Variants in FHDC1 observed in about 807,000 individuals in gnomAD.
FHDC1 encodes FH2 domain containing 1.
A neutral mutation model predicts 52.6 loss-of-function variants in FHDC1; 25 were observed. The ratio of observed to expected loss-of-function variants is 0.48; its 90% CI spans 0.35 to 0.66. FHDC1 has a LOEUF of 0.66. Among genes scored for constraint, FHDC1 ranks in the 30% least tolerant of loss-of-function variants. The probability of loss-of-function intolerance (pLI) is 0.01; values close to 1 mark genes in which losing one functional copy is unlikely to be tolerated. For missense variants in FHDC1, 1,459 were observed against 1,452.8 expected (o/e 1.00, Z -0.07); for synonymous variants, 616 against 581.5 (o/e 1.06, Z -0.85).
At chr4:152,933,834 C>T (rs753142887), upstream of FHDC1, among the ~76,000 whole-genome samples, 1 of 150,962 alleles carries the variant, frequency 6.6e-6, no homozygotes, top group African/African-American at 2.4e-5. Flanking sequence ...GGGAGATAAA[C>T]GTAGGATGCT....
intron 6 of FHDC1, among the ~76,000 whole-genome samples, 194 bp from the exon 7 acceptor site, chr4:152,962,620 A>G (rs1316391180): frequency 6.6e-6 from 1 of 152,254 alleles, no homozygotes; most frequent in African/African-American, 2.4e-5. Flanking sequence ...AAACACTATG[A>G]CACGGATTGC....
At chr4:152,924,672 G>A in the FHDC1 span, among the ~76,000 whole-genome samples, 1 of 152,160 alleles carries the variant, frequency 6.6e-6, no homozygotes. Flanking sequence ...ATGGAATACT[G>A]TGCAGCCATA....
rs568498816 is a variant in FHDC1, at chr4:152,976,574, C to T, written c.3283C>T (p.Pro1095Ser). 1 of 1,612,626 alleles carries T rather than the reference C, an allele frequency of 6.2e-7. No homozygotes were observed. The highest frequency in any genetic ancestry group is 1.3e-5 in the African/African-American group (1 of 75,032). ...GAGGCGAGCCAGCAGTGCCCGGGCC[C>T]CCAAGAAGCGCCCAGAGTCTGCGGA... ...TLRRASSARAPKKRPESAEGP... is the reference protein window; with the variant it reads ...TLRRASSARASKKRPESAEGP... The change falls in exon 12 of 12, where the codon CCC becomes TCC. Residue 1095 changes from proline to serine, a missense_variant. Around this residue, in one of 3 missense-constraint regions of FHDC1, gnomAD observed 939 missense variants for 854.5 expected, o/e 1.10. Transcript: ENST00000511601.
Position 152,960,600 on chromosome 4 carries a change from G to T in FHDC1, c.699G>T (p.Ser233=). ...KKLKAFSGDV[S]KLSLADSFLY... ...TAAAAGCGTTTAGTGGCGACGTGTCGAAGCTGTCTCTGGCAGATTCCTTTC... is the reference window on the plus strand; with the variant it reads ...TAAAAGCGTTTAGTGGCGACGTGTCTAAGCTGTCTCTGGCAGATTCCTTTC... The change falls in exon 5 of 12, where the codon TCG becomes TCT. Residue 233 remains serine (S), a synonymous_variant. Transcript: ENST00000511601. 6.2e-7 allele frequency: 1 copy of T among 1,614,116 alleles called. No individual in the cohort carries two copies. The highest frequency in any genetic ancestry group is 8.5e-7 in the Non-Finnish European group (1 of 1,180,010).
chr4:152,948,319 T>C (rs1326100863), intron 2 of FHDC1, among the ~76,000 whole-genome samples: 1 of 152,338 alleles, frequency 6.6e-6, no homozygotes, highest in East Asian at 1.9e-4. Context: ...GACATTATGC[T>C]AAATAAGCCA....
the FHDC1 span, among the ~76,000 whole-genome samples, chr4:152,914,971 A>C: frequency 4.0e-4 from 61 of 152,186 alleles, no homozygotes; most frequent in Non-Finnish European, 7.8e-4. Flanking sequence ...GCCTTCCTGA[A>C]AAGTTTTTAA....
chr4:152,938,544 T>G (rs944567932), intron 1 of FHDC1, among the ~76,000 whole-genome samples: 6 of 152,098 alleles, frequency 3.9e-5, no homozygotes, highest in African/African-American at 1.4e-4. Context: ...AATTCCATAG[T>G]TTAGAATTGT....
At chr4:152,957,165 G>A (rs1740113635) in intron 4 of FHDC1, among the ~76,000 whole-genome samples, 1 of 152,200 alleles carries the variant, frequency 6.6e-6, no homozygotes, top group East Asian at 1.9e-4. Flanking sequence ...AAATTCGTAA[G>A]TGGACACATT....
At chr4:152,924,157 A>C in the FHDC1 span, among the ~76,000 whole-genome samples, 1 of 152,156 alleles carries the variant, frequency 6.6e-6, no homozygotes, top group Non-Finnish European at 1.5e-5. Context: ...AAACAAATTT[A>C]CAAGAAAAAA....
chr4:152,920,571 G>A, the FHDC1 span, among the ~76,000 whole-genome samples: 1 of 152,116 alleles, frequency 6.6e-6, no homozygotes, highest in Non-Finnish European at 1.5e-5. Context: ...TAGGTTGGAA[G>A]GAAGCATTTC....
the FHDC1 span, among the ~76,000 whole-genome samples, chr4:152,915,673 C>A: frequency 6.6e-6 from 1 of 151,974 alleles, no homozygotes; most frequent in Non-Finnish European, 1.5e-5. Context: ...GAAAGAATGG[C>A]AGAATTAGAG....
chr4:152,955,476 T>C (rs1740054286), intron 4 of FHDC1, among the ~76,000 whole-genome samples: 1 of 152,226 alleles, frequency 6.6e-6, no homozygotes, highest in Non-Finnish European at 1.5e-5. Flanking sequence ...TTTTTTACTT[T>C]ATAAGTAAAA....
intron 9 of FHDC1, among the ~76,000 whole-genome samples, chr4:152,966,122 A>G (rs1740449129): frequency 6.6e-6 from 1 of 152,248 alleles, no homozygotes; most frequent in South Asian, 2.1e-4. Flanking sequence ...TACTGTAATT[A>G]GTATAAAAAT....
rs561578259 is a variant in FHDC1 at position 152,960,754 on chromosome 4, C to T, written c.760C>T (p.Arg254Trp). The change falls in exon 6 of 12, where the codon CGG (arginine) becomes TGG (tryptophan). Residue 254 changes from arginine (R) to tryptophan (W), a missense_variant. By Grantham distance (101) the Arg-to-Trp change is moderately radical (BLOSUM62 -3). Coordinates refer to ENST00000511601, the MANE Select transcript of FHDC1 (RefSeq NM_001371116.1). ...TTTTTTATTTTTCAGCTATTCACTT[C>T]GGATTGAAGCCATGGTGCTAAAGAA... is the stretch of plus-strand genomic sequence containing the variant. ...GLIQVPNYSL[R>W]IEAMVLKKEF... is the part of the protein sequence containing the mutation. The T allele has an allele frequency of 4.8e-5, 77 of 1,613,098 alleles. No homozygotes were observed. Among genetic ancestry groups the T allele is most frequent in the East Asian group, 3.3e-4 (15 of 44,846 alleles).
intron 10 of FHDC1, among the ~76,000 whole-genome samples, chr4:152,969,589 TC>T (rs1421945292): frequency 1.3e-5 from 2 of 152,102 alleles, no homozygotes; most frequent in Admixed American, 6.5e-5. Flanking sequence ...GAAGAACAGC[TC>T]TGACTTAGCC....
At chr4:152,937,824 C>A (rs1739441317) in intron 1 of FHDC1, among the ~76,000 whole-genome samples, 1 of 152,148 alleles carries the variant, frequency 6.6e-6, no homozygotes, top group South Asian at 2.1e-4. Context: ...GTTTGCTGAC[C>A]CCAGCGCGGC....
chr4:152,974,452 C>G (rs529053305), intron 11 of FHDC1, among the ~76,000 whole-genome samples: 28 of 152,194 alleles, frequency 1.8e-4, no homozygotes, highest in African/African-American at 6.7e-4. Context: ...CTGCTCAGAT[C>G]CCTAGTAGCT....
At position 152,943,125 on chromosome 4, in the gene FHDC1, G is replaced by A; in HGVS notation, c.68G>A (p.Gly23Glu). The A allele has an allele frequency of 6.2e-7, 1 of 1,614,054 alleles. No individual in the cohort carries two copies. Among genetic ancestry groups the A allele is most frequent in the East Asian group, 2.2e-5 (1 of 44,880 alleles). Residue 23 changes from glycine (G) to glutamate (E), a missense_variant, in exon 2 of 12, where the codon GGA becomes GAA. Physicochemically the swap from Gly to Glu is moderately conservative, Grantham distance 98. This residue lies in a region of FHDC1 where 513 missense variants were observed against 581.5 expected (regional missense o/e 0.88). Transcript: ENST00000511601. ...KENGNIATAP[G>E]FMIGQTPPPA... ...AATGGGAATATTGCCACAGCACCTG[G>A]ATTCATGATTGGGCAGACACCTCCT...
chr4:152,927,155 A>T, the FHDC1 span, among the ~76,000 whole-genome samples: 4 of 152,244 alleles, frequency 2.6e-5, no homozygotes, highest in Admixed American at 2.6e-4. Context: ...ACTCCAGAAG[A>T]GGGGTTGTAT....
Sources: gnomAD v4.1 joint callset for allele counts (sites outside exome capture counted in the v4.1 genomes callset) on GRCh38, gnomAD v4.1.1 for gene constraint, gnomAD v4.1.1 regional missense constraint, MANE v1.5 for transcripts, NCBI Gene and HGNC (gene_info 2026-07-23, HGNC 2026-07-21) for gene names.